Variants in BCKDHB observed in about 807,000 individuals in gnomAD.
The protein encoded by BCKDHB is branched chain keto acid dehydrogenase E1 subunit beta, also known as 2-oxoisovalerate dehydrogenase subunit beta, mitochondrial.
BCKDHB carries 41 observed loss-of-function variants against 48.5 expected under a neutral mutation model. The ratio of observed to expected loss-of-function variants is 0.85; its 90% confidence interval spans 0.66 to 1.10. BCKDHB has a LOEUF of 1.10. BCKDHB is among the 50% of genes least tolerant of loss of function. The pLI is 0.00. For missense variants in BCKDHB, 496 were observed against 494.2 expected, an observed-to-expected ratio of 1.00 and a Z score of -0.03; for synonymous variants, 201 against 174.8, an observed-to-expected ratio of 1.15 and a Z score of -1.18.
At chr6:80,220,921 GAC>G (rs1255318941) in intron 8 of BCKDHB, among the ~76,000 whole-genome samples, 1 of 151,736 alleles carries the variant, frequency 6.6e-6, no homozygotes, top group Non-Finnish European at 1.5e-5. Flanking sequence ...TTTTAGTAGA[GAC>G]AGGGTTTCAC....
chr6:80,239,007 A>C (rs1419480142), intron 8 of BCKDHB, among the ~76,000 whole-genome samples: 1 of 152,174 alleles, frequency 6.6e-6, no homozygotes, highest in African/African-American at 2.4e-5. Context: ...TCATTGATAG[A>C]CATTTGGGTT....
intron 3 of BCKDHB, among the ~76,000 whole-genome samples, chr6:80,153,911 T>G (rs1323827952): frequency 6.6e-6 from 1 of 152,218 alleles, no homozygotes; most frequent in Admixed American, 6.5e-5. Context: ...GTAACTTGCT[T>G]ATATACACCA....
At position 80,106,744 on chromosome 6, in the gene BCKDHB, A is replaced by G. The variant is rs376293687; in HGVS notation, c.51A>G (p.Ala17=). 2,370 of 1,567,308 alleles carry G rather than the reference A, an allele frequency of 1.5e-3. 2 individuals carry two copies. The highest frequency in any genetic ancestry group is 1.9e-3 in the Non-Finnish European group (2,254 of 1,157,260). ...AAGWLLRLRA[A]GAEGHWRRLP... is the part of the protein sequence containing the mutation. ...GCTGGCTACTCAGGCTCAGGGCGGC[A>G]GGGGCTGAGGGGCACTGGCGTCGGC... Residue 17 remains alanine (A), a synonymous_variant, in exon 1 of 10, where the codon GCA becomes GCG. Coordinates refer to ENST00000320393, the MANE Select transcript of BCKDHB (RefSeq NM_183050.4).
intron 9 of BCKDHB, among the ~76,000 whole-genome samples, chr6:80,341,894 T>C (rs3805851): frequency 0.78 from 117,997 of 152,052 alleles, 46,155 homozygotes; most frequent in Admixed American, 0.84. Context: ...AAACAAGAAA[T>C]AATCCACCCA....
At chr6:80,295,534 A>G (rs546394559) in intron 9 of BCKDHB, among the ~76,000 whole-genome samples, 1 of 151,816 alleles carries the variant, frequency 6.6e-6, no homozygotes, top group South Asian at 2.1e-4. Context: ...TATGGGAGCT[A>G]CAGTTCAAGA....
intron 9 of BCKDHB, among the ~76,000 whole-genome samples, chr6:80,340,478 A>C (rs1769830834): frequency 6.6e-6 from 1 of 152,222 alleles, no homozygotes; most frequent in African/African-American, 2.4e-5. Context: ...GAGAAAGACC[A>C]TAAACGAACA....
rs374578400 is a variant in BCKDHB, at chr6:80,234,225, C to G, written c.951+31013C>G. Among the ~76,000 whole-genome samples the G allele has an allele frequency of 3.9e-5, 6 of 152,098 alleles. No homozygotes were observed. In the East Asian group the frequency reaches 1.2e-3, roughly 29 times the overall value. ...GTCCATGGCCTGGGGGTTGGGGACCCCTGGTATAATGGATGTAGTATCAGT... is the reference window on the plus strand; with the variant it reads ...GTCCATGGCCTGGGGGTTGGGGACCGCTGGTATAATGGATGTAGTATCAGT... On this transcript the variant is annotated intron_variant, in intron 8 of 9. Coordinates refer to ENST00000320393, the MANE Select transcript of BCKDHB (RefSeq NM_183050.4).
At chr6:80,169,096 A>G in intron 5 of BCKDHB, 66 bp downstream of exon 5, 2 of 1,562,866 alleles carry the variant, frequency 1.3e-6, no homozygotes, top group Admixed American at 1.7e-5. Flanking sequence ...ATTCTATTTA[A>G]TATCTATGCT....
At chr6:80,362,796 G>A in the BCKDHB span, among the ~76,000 whole-genome samples, 1 of 152,238 alleles carries the variant, frequency 6.6e-6, no homozygotes, top group Middle Eastern at 3.4e-3. Context: ...CAGAAAAGTG[G>A]CCCTATAACT....
At chr6:80,312,265 G>A (rs6904257) in intron 9 of BCKDHB, among the ~76,000 whole-genome samples, 9 of 152,172 alleles carry the variant, frequency 5.9e-5, no homozygotes, top group African/African-American at 2.2e-4. Flanking sequence ...GTAATTTTTG[G>A]GCATTGATTC....
the BCKDHB span, among the ~76,000 whole-genome samples, chr6:80,407,238 A>G: frequency 6.6e-6 from 1 of 152,112 alleles, no homozygotes; most frequent in Non-Finnish European, 1.5e-5. Context: ...TAACAATACC[A>G]TGCTGTTTTG....
chr6:80,197,934 T>TCATTCATC (rs1554194169), intron 6 of BCKDHB, among the ~76,000 whole-genome samples: 14 of 148,858 alleles, frequency 9.4e-5, no homozygotes, highest in African/African-American at 3.5e-4. Context: ...ATCCATCTGT[T>TCATTCATC]CATCCATCCA....
In BCKDHB at chr6:80,343,785, G is replaced by T. The variant is rs755159101; in HGVS notation, c.1160G>T (p.Arg387Leu). Residue 387 changes from arginine to leucine, a missense_variant, in exon 10 of 10, where the codon CGA becomes CTA. Arg to Leu is a moderately radical substitution (Grantham distance 102). Transcript: ENST00000320393. ...PDKWKCYDAL[R>L]KMINY The stretch of plus-strand genomic sequence containing the variant: ...AAATGGAAGTGTTATGATGCCCTTC[G>T]AAAAATGATCAACTATTGACCATAT... 1 of 1,613,676 alleles carries T rather than the reference G, an allele frequency of 6.2e-7. No individual in the cohort carries two copies. Among genetic ancestry groups the T allele is most frequent in the Admixed American group, 1.7e-5 (1 of 59,974 alleles).
the BCKDHB span, among the ~76,000 whole-genome samples, chr6:80,433,924 A>C: frequency 6.6e-6 from 1 of 152,032 alleles, no homozygotes; most frequent in Non-Finnish European, 1.5e-5. Flanking sequence ...TTATTTCTTT[A>C]AATATTTTGT....
chr6:80,120,676 G>A (rs1769960568), intron 1 of BCKDHB, among the ~76,000 whole-genome samples: 1 of 152,154 alleles, frequency 6.6e-6, no homozygotes, highest in Non-Finnish European at 1.5e-5. Context: ...AGCAGTATCT[G>A]TTCATATTCT....
At chr6:80,462,036 G>T in the BCKDHB span, among the ~76,000 whole-genome samples, 15 of 151,600 alleles carry the variant, frequency 9.9e-5, no homozygotes, top group African/African-American at 3.4e-4. Flanking sequence ...TTTATTTCAT[G>T]TTCCTATCCA....
rs1184612725 is a variant in BCKDHB at position 80,324,267 on chromosome 6, G to A, written c.1039-19397G>A. ...ATTCTGATACCGTGACCATACCCAAGAATAATTAAATAAGACTTTCTGTAG... is the reference window on the plus strand; with the variant it reads ...ATTCTGATACCGTGACCATACCCAAAAATAATTAAATAAGACTTTCTGTAG... On this transcript the variant is annotated intron_variant, in intron 9 of 9. Coordinates refer to ENST00000320393, the MANE Select transcript of BCKDHB (RefSeq NM_183050.4). Among the ~76,000 whole-genome samples, 5 of 152,196 alleles carry A rather than the reference G, an allele frequency of 3.3e-5. No individual in the cohort carries two copies. In the East Asian group the frequency reaches 9.7e-4, roughly 29 times the overall value.
intron 3 of BCKDHB, among the ~76,000 whole-genome samples, chr6:80,153,514 A>T (rs1420627714): frequency 1.3e-5 from 2 of 152,130 alleles, no homozygotes; most frequent in Admixed American, 1.3e-4. Context: ...TGGGATCCTT[A>T]AAGACCATGC....
chr6:80,276,790 T>C (rs1383513878), intron 9 of BCKDHB, among the ~76,000 whole-genome samples: 5 of 151,946 alleles, frequency 3.3e-5, no homozygotes, highest in African/African-American at 1.2e-4. Flanking sequence ...CTATTTTATA[T>C]TGATTAGACA....
Sources: allele counts gnomAD v4.1 joint callset (sites outside exome capture counted in the v4.1 genomes callset), GRCh38; gene constraint gnomAD v4.1.1; transcripts MANE v1.5; gene names NCBI Gene and HGNC (gene_info 2026-07-23, HGNC 2026-07-21).